The following CFAP299 variants were observed in gnomAD, a reference collection of about 807,000 sequenced individuals.
CFAP299 encodes the protein cilia and flagella associated protein 299.
CFAP299 carries 21 observed loss-of-function variants against 27.0 expected under a neutral mutation model. That is an observed-to-expected ratio of 0.78 (90% CI 0.55 to 1.12). The LOEUF (loss-of-function observed/expected upper bound fraction) is 1.12, where lower values mean the gene tolerates loss of function less well. Among genes scored for constraint, CFAP299 ranks in the 50% most tolerant of loss-of-function variants. The pLI is 0.00. For synonymous variants in CFAP299, 104 were observed against 98.1 expected, an observed-to-expected ratio of 1.06 and a Z score of -0.36; for missense variants, 310 against 276.6, an observed-to-expected ratio of 1.12 and a Z score of -0.86.
At chr4:80,583,362 C>T in intron 3 of CFAP299, 179 bp downstream of exon 3, 1 of 340,848 alleles carries the variant, frequency 2.9e-6, no homozygotes, top group East Asian at 4.9e-5. Context: ...ATTTACATCT[C>T]TAGAAGTAGC....
At chr4:80,507,563 A>G (rs991979821) in intron 2 of CFAP299, among the ~76,000 whole-genome samples, 10 of 152,146 alleles carry the variant, frequency 6.6e-5, no homozygotes, top group African/African-American at 2.2e-4. Context: ...TTTAATTGAA[A>G]TCTAATCTAT....
rs1341504946 is a variant in CFAP299 at position 80,357,168 on chromosome 4, T to TA, written c.112-5586_112-5585insA. 9.2e-5 allele frequency among the ~76,000 whole-genome samples: 14 copies of TA among 152,322 alleles called. No homozygotes were observed. In the East Asian group the frequency reaches 2.7e-3, roughly 29 times the overall value. ...TTGATTTACATATGTTGAACCAACC[T>TA]TGCGTCCCAAGGATGAAGCCAACTT... On this transcript the variant is annotated intron_variant, in intron 1 of 5. Coordinates refer to ENST00000358105, the MANE Select transcript of CFAP299 (RefSeq NM_152770.3).
chr4:80,437,094 A>G (rs1313585864), intron 2 of CFAP299, among the ~76,000 whole-genome samples: 1 of 152,200 alleles, frequency 6.6e-6, no homozygotes, highest in East Asian at 1.9e-4. Context: ...GCTAAGAGTT[A>G]GATAATAACC....
intron 5 of CFAP299, among the ~76,000 whole-genome samples, chr4:80,945,185 C>T (rs1373531131): frequency 6.6e-6 from 1 of 152,188 alleles, no homozygotes; most frequent in Non-Finnish European, 1.5e-5. Flanking sequence ...AACACTTCTC[C>T]ATGCCTAGCA....
chr4:80,579,329 G>A (rs1736050045), intron 2 of CFAP299, among the ~76,000 whole-genome samples: 2 of 152,310 alleles, frequency 1.3e-5, no homozygotes, highest in South Asian at 4.1e-4. Flanking sequence ...ATGTGCAAAA[G>A]TTAGTGACAT....
chr4:80,651,738 GTT>G (rs754380036), intron 3 of CFAP299, among the ~76,000 whole-genome samples: 169 of 149,882 alleles, frequency 1.1e-3, no homozygotes, highest in Non-Finnish European at 1.9e-3. Flanking sequence ...GTGTGTGTGT[GTT>G]TGTGTGTCTG....
At chr4:80,547,043 A>T (rs1734269531) in intron 2 of CFAP299, among the ~76,000 whole-genome samples, 1 of 152,170 alleles carries the variant, frequency 6.6e-6, no homozygotes, top group African/African-American at 2.4e-5. Flanking sequence ...CAGAATTCAT[A>T]TGGAAGCAAA....
intron 5 of CFAP299, among the ~76,000 whole-genome samples, chr4:80,953,266 T>C (rs969589660): frequency 9.8e-5 from 15 of 152,290 alleles, no homozygotes; most frequent in African/African-American, 3.6e-4. Flanking sequence ...AGGCCTCTTA[T>C]AAATGTTGCT....
At position 80,663,171 on chromosome 4, in the gene CFAP299, C is replaced by G. The variant is rs189205382; in HGVS notation, c.333+79988C>G. On this transcript the variant is annotated intron_variant, in intron 3 of 5. Coordinates refer to ENST00000358105, the MANE Select transcript of CFAP299 (RefSeq NM_152770.3). ...TAATTATAATTTAAGTTCTGGGATACATGTGCAAAATGTGCAGGTTTGTTA... is the reference window on the plus strand; with the variant it reads ...TAATTATAATTTAAGTTCTGGGATAGATGTGCAAAATGTGCAGGTTTGTTA... Among the ~76,000 whole-genome samples the G allele has an allele frequency of 2.0e-5, 3 of 152,050 alleles. No individual in the cohort carries two copies. The East Asian group carries it at 5.8e-4, about 29-fold the overall frequency.
chr4:80,486,775 C>T (rs1234837529), intron 2 of CFAP299, among the ~76,000 whole-genome samples: 1 of 152,172 alleles, frequency 6.6e-6, no homozygotes, highest in African/African-American at 2.4e-5. Context: ...TTTTTTGAGT[C>T]TCAGTTTCTA....
At chr4:80,352,984 G>T (rs1246785918) in intron 1 of CFAP299, among the ~76,000 whole-genome samples, 3 of 152,086 alleles carry the variant, frequency 2.0e-5, no homozygotes, top group East Asian at 1.9e-4. Context: ...AGAAATTAAT[G>T]ATAGTAGCTT....
At chr4:80,598,719 T>C (rs1432431495) in intron 3 of CFAP299, among the ~76,000 whole-genome samples, 3 of 152,176 alleles carry the variant, frequency 2.0e-5, no homozygotes, top group Non-Finnish European at 2.9e-5. Flanking sequence ...AATCTCTGAC[T>C]GGTATGCTAG....
chr4:80,634,252 G>T (rs1187411404), intron 3 of CFAP299, among the ~76,000 whole-genome samples: 1 of 152,086 alleles, frequency 6.6e-6, no homozygotes, highest in Non-Finnish European at 1.5e-5. Flanking sequence ...AAAGTGCTGG[G>T]ATTACTGTTG....
At chr4:80,588,062 T>C (rs889753337) in intron 3 of CFAP299, among the ~76,000 whole-genome samples, 7 of 151,236 alleles carry the variant, frequency 4.6e-5, no homozygotes, top group Non-Finnish European at 8.8e-5. Context: ...TCAGTTGAAA[T>C]CTAGTCTTAG....
chr4:80,821,266 A>C (rs569011180), intron 3 of CFAP299, among the ~76,000 whole-genome samples: 3 of 152,332 alleles, frequency 2.0e-5, no homozygotes, highest in South Asian at 2.1e-4. Context: ...AATCTTGATA[A>C]GAAAGCTTCA....
At chr4:80,929,055 T>G (rs181202471) in intron 4 of CFAP299, among the ~76,000 whole-genome samples, 17 of 152,296 alleles carry the variant, frequency 1.1e-4, no homozygotes, top group Admixed American at 5.2e-4. Context: ...TCAGACATGC[T>G]TGAGAAAAAT....
At chr4:80,838,527 C>T (rs1344206275) in intron 3 of CFAP299, among the ~76,000 whole-genome samples, 1 of 152,066 alleles carries the variant, frequency 6.6e-6, no homozygotes, top group Non-Finnish European at 1.5e-5. Flanking sequence ...ACTCCTTTCC[C>T]CCATTGCTTG....
chr4:80,695,110 G>A (rs1432938639), intron 3 of CFAP299, among the ~76,000 whole-genome samples: 2 of 151,904 alleles, frequency 1.3e-5, no homozygotes, highest in African/African-American at 4.8e-5. Flanking sequence ...ATATATGGAT[G>A]GTTTCCATAT....
chr4:80,917,244 A>T (rs555396932), intron 4 of CFAP299, among the ~76,000 whole-genome samples: 2 of 152,240 alleles, frequency 1.3e-5, no homozygotes, highest in East Asian at 1.9e-4. Flanking sequence ...GGCCATTGAG[A>T]TATAATGTAC....
Sources: allele counts gnomAD v4.1 joint callset (sites outside exome capture counted in the v4.1 genomes callset), GRCh38; gene constraint gnomAD v4.1.1; transcripts MANE v1.5; gene names NCBI Gene and HGNC (gene_info 2026-07-23, HGNC 2026-07-21).